ATXN1: variants seen among roughly 807,000 people sequenced by gnomAD.
The protein encoded by ATXN1 is ataxin-1.
Under a neutral mutation model 56.4 loss-of-function variants are expected in ATXN1, and 8 were observed. That is an observed-to-expected ratio of 0.14 (90% CI 0.08 to 0.26). The LOEUF is 0.26. Ranked by LOEUF, ATXN1 falls within the 10% of genes least tolerant of loss-of-function variation. The pLI is 1.00. For missense variants in ATXN1, 987 were observed against 1,106.5 expected, an observed-to-expected ratio of 0.89 and a Z score of 1.53; for synonymous variants, 514 against 494.6, an observed-to-expected ratio of 1.04 and a Z score of -0.52.
At chr6:16,565,121 T>C (rs1236813068) in intron 4 of ATXN1, among the ~76,000 whole-genome samples, 1 of 152,202 alleles carries the variant, frequency 6.6e-6, no homozygotes, top group African/African-American at 2.4e-5. Context: ...ATGAGCATAG[T>C]GGTTAAAAAT....
At chr6:16,603,561 C>T (rs1581876487) in intron 3 of ATXN1, among the ~76,000 whole-genome samples, 1 of 152,190 alleles carries the variant, frequency 6.6e-6, no homozygotes, top group South Asian at 2.1e-4. Flanking sequence ...CAGGCCCCCA[C>T]CATAAATGGG....
In ATXN1 at chr6:16,610,974, G is replaced by A. The variant is rs150921619; in HGVS notation, c.-488-25067C>T. 2.5e-3 allele frequency among the ~76,000 whole-genome samples: 374 copies of A among 152,148 alleles called. 4 individuals carry two copies. The highest frequency in any genetic ancestry group is 8.4e-3 in the African/African-American group (350 of 41,486). On this transcript the variant is annotated intron_variant, in intron 3 of 7. Transcript: ENST00000436367. ...AGAGCCAGGAGGTCAAGGCTGCAGCGAGTTATGATCCCACCAGTGCACTCC... is the reference window on the plus strand; with the variant it reads ...AGAGCCAGGAGGTCAAGGCTGCAGCAAGTTATGATCCCACCAGTGCACTCC...
chr6:16,339,626 C>T (rs1761199589), intron 6 of ATXN1, among the ~76,000 whole-genome samples: 1 of 152,196 alleles, frequency 6.6e-6, no homozygotes, highest in Non-Finnish European at 1.5e-5. Context: ...CATATGATCA[C>T]CCCATTTCAA....
intron 6 of ATXN1, among the ~76,000 whole-genome samples, chr6:16,466,417 T>A (rs1760109144): frequency 6.6e-6 from 1 of 150,580 alleles, no homozygotes; most frequent in Non-Finnish European, 1.5e-5. Flanking sequence ...AGATTTCTTC[T>A]CTTTCAGAAT....
At chr6:16,463,278 T>G (rs983020790) in intron 6 of ATXN1, among the ~76,000 whole-genome samples, 2 of 152,160 alleles carry the variant, frequency 1.3e-5, no homozygotes, top group African/African-American at 4.8e-5. Context: ...GCCTCCCCAC[T>G]AACTGGACAG....
At chr6:16,697,322 T>C (rs960420786) in intron 2 of ATXN1, among the ~76,000 whole-genome samples, 5 of 152,194 alleles carry the variant, frequency 3.3e-5, no homozygotes, top group Non-Finnish European at 4.4e-5. Context: ...TCTTCAACTA[T>C]CTGTTTGCTT....
At chr6:16,450,317 TG>T (rs1759729167) in intron 6 of ATXN1, among the ~76,000 whole-genome samples, 2 of 53,318 alleles carry the variant, frequency 3.8e-5, no homozygotes, top group Non-Finnish European at 9.3e-5. Context: ...CTTTTTCACA[TG>T]TTTGGGAGCA....
chr6:16,413,393 C>T (rs1044376836), intron 6 of ATXN1, among the ~76,000 whole-genome samples: 25 of 151,846 alleles, frequency 1.6e-4, no homozygotes, highest in Admixed American at 6.6e-4. Context: ...GAAGAAGATG[C>T]GGCTCGGGAC....
chr6:16,682,751 G>A (rs1385618138), intron 2 of ATXN1, among the ~76,000 whole-genome samples: 1 of 152,116 alleles, frequency 6.6e-6, no homozygotes, highest in Non-Finnish European at 1.5e-5. Flanking sequence ...GGGACCATGA[G>A]GAAGAGATCC....
chr6:16,573,649 T>C (rs1762371163), intron 4 of ATXN1, among the ~76,000 whole-genome samples: 1 of 152,188 alleles, frequency 6.6e-6, no homozygotes, highest in African/African-American at 2.4e-5. Flanking sequence ...TAGTGATCCT[T>C]TAGCTCTGTT....
intron 1 of ATXN1, among the ~76,000 whole-genome samples, chr6:16,758,442 G>A (rs1420050412): frequency 6.6e-6 from 1 of 152,206 alleles, no homozygotes; most frequent in East Asian, 1.9e-4. Context: ...CACTGTCTGG[G>A]GAGATGCATT....
rs118046275 is a variant in ATXN1, at chr6:16,685,560, C to T, written c.-614-27659G>A. 6.6e-5 allele frequency among the ~76,000 whole-genome samples: 10 copies of T among 152,200 alleles called. No individual in the cohort carries two copies. The East Asian group carries it at 1.9e-3, about 29-fold the overall frequency. ...ACATAAAAGCCAGCAGTACTCCCTG[C>T]TAGAATCTGAAGAAAAGAATATTAT... On this transcript the variant is annotated intron_variant, in intron 2 of 7. Coordinates refer to ENST00000436367, the MANE Select transcript of ATXN1 (RefSeq NM_001128164.2).
chr6:16,587,414 T>A (rs1490175095), intron 3 of ATXN1, among the ~76,000 whole-genome samples: 1 of 152,236 alleles, frequency 6.6e-6, no homozygotes, highest in Non-Finnish European at 1.5e-5. Flanking sequence ...CATGTTTACC[T>A]GTTCACAAAG....
chr6:16,695,335 A>G (rs1759142094), intron 2 of ATXN1, among the ~76,000 whole-genome samples: 2 of 152,208 alleles, frequency 1.3e-5, no homozygotes, highest in Admixed American at 1.3e-4. Flanking sequence ...CAGTCTTATG[A>G]GCCAAGTCAG....
chr6:16,589,235 T>C (rs1000120359), intron 3 of ATXN1, among the ~76,000 whole-genome samples: 33 of 152,272 alleles, frequency 2.2e-4, no homozygotes, highest in Admixed American at 9.2e-4. Context: ...TTATCATATT[T>C]TCCTGTACTT....
At chr6:16,476,016 T>G (rs1760319741) in intron 6 of ATXN1, among the ~76,000 whole-genome samples, 1 of 151,972 alleles carries the variant, frequency 6.6e-6, no homozygotes, top group Non-Finnish European at 1.5e-5. Context: ...ACTACAGGCA[T>G]GCACCACCAT....
chr6:16,348,372 C>CT (rs2113455502), intron 6 of ATXN1, among the ~76,000 whole-genome samples: 1 of 152,282 alleles, frequency 6.6e-6, no homozygotes, highest in East Asian at 1.9e-4. Flanking sequence ...GCCCATTCAA[C>CT]TTTCTAAGCT....
intron 3 of ATXN1, among the ~76,000 whole-genome samples, chr6:16,627,034 C>CAT (rs760555223): frequency 1.3e-5 from 2 of 152,208 alleles, no homozygotes; most frequent in Non-Finnish European, 2.9e-5. Flanking sequence ...CGCAAACTGA[C>CAT]AGATACTAAG....
chr6:16,613,394 A>G (rs1015542850), intron 3 of ATXN1, among the ~76,000 whole-genome samples: 1 of 151,868 alleles, frequency 6.6e-6, no homozygotes, highest in African/African-American at 2.4e-5. Flanking sequence ...ATACAAAAAT[A>G]AGATTGACTT....
Sources: allele counts gnomAD v4.1 joint callset (sites outside exome capture counted in the v4.1 genomes callset), GRCh38; gene constraint gnomAD v4.1.1; transcripts MANE v1.5; gene names NCBI Gene and HGNC (gene_info 2026-07-23, HGNC 2026-07-21).